The following AGTPBP1 variants were observed in gnomAD, a reference collection of about 807,000 sequenced individuals.
AGTPBP1 encodes ATP/GTP binding carboxypeptidase 1.
In AGTPBP1, 70 loss-of-function variants were observed where a neutral mutation model predicts 143.9. That is an observed-to-expected ratio of 0.49 (90% CI 0.40 to 0.59). The LOEUF (loss-of-function observed/expected upper bound fraction) is 0.59, where lower values mean the gene tolerates loss of function less well. Ranked by LOEUF, AGTPBP1 falls within the 20% of genes least tolerant of loss-of-function variation. The probability of loss-of-function intolerance (pLI) is 0.00; values close to 1 mark genes in which losing one functional copy is unlikely to be tolerated. For synonymous variants in AGTPBP1, 463 were observed against 500.2 expected (o/e 0.93, Z 0.99); for missense variants, 1,229 against 1,464.5 (o/e 0.84, Z 2.62).
At chr9:85,594,617 A>G (rs890972707) in intron 18 of AGTPBP1, among the ~76,000 whole-genome samples, 4 of 152,164 alleles carry the variant, frequency 2.6e-5, no homozygotes, top group Non-Finnish European at 5.9e-5. Flanking sequence ...TTAAATAAAT[A>G]AACATACCTC....
chr9:85,743,643 A>C (rs1464999991), upstream of AGTPBP1, among the ~76,000 whole-genome samples: 1 of 152,176 alleles, frequency 6.6e-6, no homozygotes, highest in Non-Finnish European at 1.5e-5. Flanking sequence ...ATATAAACTC[A>C]AGAATTTGCA....
intron 2 of AGTPBP1, among the ~76,000 whole-genome samples, chr9:85,712,131 G>C (rs1837419671): frequency 6.6e-6 from 1 of 152,092 alleles, no homozygotes; most frequent in South Asian, 2.1e-4. Context: ...CGGGTGTGGT[G>C]GTGGGTGCCT....
the AGTPBP1 span, chr9:85,805,343 G>C: frequency 6.6e-6 from 1 of 151,948 alleles, no homozygotes; most frequent in African/African-American, 2.4e-5. Context: ...CCTGCTCGCA[G>C]CTGCGCTCTT....
intron 1 of AGTPBP1, among the ~76,000 whole-genome samples, chr9:85,714,890 A>G (rs112540944): frequency 0.011 from 1,685 of 152,282 alleles, 30 homozygotes; most frequent in African/African-American, 0.037. Context: ...TATGATCAGA[A>G]TATCAAGACA....
In AGTPBP1 at chr9:85,635,862, A is replaced by G. The variant is rs571744813; in HGVS notation, c.1303-2488T>C. On this transcript the variant is annotated intron_variant, in intron 13 of 25. Coordinates refer to ENST00000357081, the MANE Select transcript of AGTPBP1 (RefSeq NM_001330701.2). The stretch of plus-strand genomic sequence containing the variant: ...AAAAAACACGTAAAAAGAAAAGCCA[A>G]CTGTCTTAAATTTTAAACCTTAGCT... 7.2e-5 allele frequency among the ~76,000 whole-genome samples: 11 copies of G among 152,136 alleles called. No homozygotes were observed. The East Asian group carries it at 1.7e-3, about 24-fold the overall frequency.
chr9:85,635,192 G>T (rs1831961210), intron 13 of AGTPBP1, among the ~76,000 whole-genome samples: 1 of 151,832 alleles, frequency 6.6e-6, no homozygotes, highest in Non-Finnish European at 1.5e-5. Context: ...CCCATTTTTT[G>T]AAAATATTTT....
chr9:85,656,656 A>G (rs1369741416), intron 10 of AGTPBP1, among the ~76,000 whole-genome samples: 9 of 152,144 alleles, frequency 5.9e-5, no homozygotes, highest in Non-Finnish European at 1.2e-4. Context: ...CCCATGGCTG[A>G]CAGTCAGCAC....
chr9:85,780,912 C>T, the AGTPBP1 span, among the ~76,000 whole-genome samples: 3 of 152,052 alleles, frequency 2.0e-5, no homozygotes, highest in Admixed American at 6.6e-5. Flanking sequence ...GTCAGGAGAT[C>T]GAGACCATCC....
At chr9:85,745,739 T>C (rs545373423), upstream of AGTPBP1, among the ~76,000 whole-genome samples, 1 of 152,336 alleles carries the variant, frequency 6.6e-6, no homozygotes, top group African/African-American at 2.4e-5. Flanking sequence ...GGCTCATGCC[T>C]GTAATCCCAG....
intron 13 of AGTPBP1, among the ~76,000 whole-genome samples, chr9:85,639,081 T>G (rs1832275195): frequency 6.6e-6 from 1 of 152,124 alleles, no homozygotes; most frequent in Non-Finnish European, 1.5e-5. Context: ...TCAAAATTTT[T>G]AAAAGGTTAT....
chr9:85,755,076 T>C, the AGTPBP1 span, among the ~76,000 whole-genome samples: 1 of 152,206 alleles, frequency 6.6e-6, no homozygotes, highest in South Asian at 2.1e-4. Flanking sequence ...TGATAGTGCT[T>C]ATAAGATTAT....
chr9:85,623,738 C>A (rs1482202683), intron 14 of AGTPBP1, among the ~76,000 whole-genome samples: 1 of 145,884 alleles, frequency 6.9e-6, no homozygotes, highest in East Asian at 2.0e-4. Flanking sequence ...GCCTGGGCGA[C>A]AGAGCGAGAC....
At chr9:85,604,127 CA>C (rs558620853) in intron 17 of AGTPBP1, among the ~76,000 whole-genome samples, 242 of 152,310 alleles carry the variant, frequency 1.6e-3, no homozygotes, top group African/African-American at 5.6e-3. Flanking sequence ...AACACATCAG[CA>C]GTAGCTAGGC....
At chr9:85,803,643 T>C in the AGTPBP1 span, among the ~76,000 whole-genome samples, 14 of 152,194 alleles carry the variant, frequency 9.2e-5, no homozygotes, top group African/African-American at 3.4e-4. Flanking sequence ...TCTGACTTTG[T>C]TTTCTTCTTT....
intron 24 of AGTPBP1, 25 bp from the exon 25 acceptor site, chr9:85,575,500 T>A (rs1318283435): frequency 1.3e-6 from 2 of 1,573,756 alleles, no homozygotes; most frequent in African/African-American, 2.7e-5. Context: ...ATATTATGCA[T>A]ATAATTACAA....
intron 24 of AGTPBP1, among the ~76,000 whole-genome samples, chr9:85,577,841 C>A (rs1363040181): frequency 2.6e-5 from 4 of 152,158 alleles, no homozygotes; most frequent in Non-Finnish European, 5.9e-5. Flanking sequence ...TTGTTACAGA[C>A]TGAAAAAGTC....
chr9:85,615,633 T>C (rs141477543), intron 17 of AGTPBP1, among the ~76,000 whole-genome samples: 1 of 152,084 alleles, frequency 6.6e-6, no homozygotes, highest in Non-Finnish European at 1.5e-5. Context: ...AAATTATGTA[T>C]GTGAATGTGA....
At chr9:85,675,184 C>T (rs1298008983) in intron 6 of AGTPBP1, among the ~76,000 whole-genome samples, 1 of 152,044 alleles carries the variant, frequency 6.6e-6, no homozygotes, top group African/African-American at 2.4e-5. Context: ...GCATGAGACA[C>T]CGTACCCGGC....
chr9:85,685,477 C>A (rs1384984462), intron 3 of AGTPBP1, among the ~76,000 whole-genome samples: 2 of 151,908 alleles, frequency 1.3e-5, no homozygotes, highest in African/African-American at 2.4e-5. Flanking sequence ...ATTGTAAGCA[C>A]ACTTTAAAAA....
Sources: allele counts gnomAD v4.1 joint callset (sites outside exome capture counted in the v4.1 genomes callset), GRCh38; gene constraint gnomAD v4.1.1; transcripts MANE v1.5; gene names NCBI Gene and HGNC (gene_info 2026-07-23, HGNC 2026-07-21).